WNK3: variants seen among roughly 807,000 people sequenced by gnomAD.
WNK3 encodes serine/threonine-protein kinase WNK3.
In WNK3, 18 loss-of-function variants were observed where a neutral mutation model predicts 116.7. The observed-to-expected ratio is 0.15, with a 90% CI of 0.11 to 0.23. WNK3 has a LOEUF of 0.23. Among genes scored for constraint, WNK3 ranks in the 10% least tolerant of loss-of-function variants. The probability of loss-of-function intolerance (pLI) is 1.00; values close to 1 mark genes in which losing one functional copy is unlikely to be tolerated. For synonymous variants in WNK3, 404 were observed against 469.4 expected (o/e 0.86, Z 1.80); for missense variants, 993 against 1,323.8 (o/e 0.75, Z 3.88).
intron 19 of WNK3, 37 bp downstream of exon 19, chrX:54,238,305 T>C (rs1326659535): frequency 8.5e-7 from 1 of 1,183,233 alleles, no homozygotes; most frequent in East Asian, 3.0e-5. Context: ...TATTTTATAA[T>C]GCCCTTGTAG....
chrX:54,275,673 AT>A lies in WNK3; in HGVS notation c.2038-16336del, dbSNP rs1422387744. Among the ~76,000 whole-genome samples the A allele has an allele frequency of 3.5e-3, 386 of 110,617 alleles. 2 individuals are homozygous for A. The highest frequency in any genetic ancestry group is 0.012 in the African/African-American group (358 of 30,497). On this transcript the variant is annotated intron_variant, in intron 10 of 23. Coordinates refer to ENST00000354646, the Ensembl canonical transcript of WNK3. ...GAAGAAACAAAATGCAAATACTAAC[AT>A]GATAGACTTAAATCCTAGCATATCA...
intron 21 of WNK3, 43 bp downstream of exon 21, chrX:54,232,757 TTTGCTAATC>T: frequency 9.7e-7 from 1 of 1,026,517 alleles, no homozygotes; most frequent in Non-Finnish European, 1.3e-6. Flanking sequence ...TTTTACTAAT[TTTGCTAATC>T]TTGGACTAGA....
intron 22 of WNK3, among the ~76,000 whole-genome samples, chrX:54,205,979 T>G (rs2067549978): frequency 8.9e-6 from 1 of 112,032 alleles, no homozygotes; most frequent in Non-Finnish European, 1.9e-5. Flanking sequence ...ATGCCTATAT[T>G]CAGACAGTTT....
At chrX:54,299,449 G>GTTT (rs11383477) in intron 6 of WNK3, among the ~76,000 whole-genome samples, 17 of 83,668 alleles carry the variant, frequency 2.0e-4, no homozygotes, top group African/African-American at 7.9e-4. Flanking sequence ...GTGTTTTGGT[G>GTTT]TTTTTTTTTT....
chrX:54,202,382 C>T (rs1487697072), intron 22 of WNK3, among the ~76,000 whole-genome samples, 189 bp from the exon 23 acceptor site: 1 of 111,614 alleles, frequency 9.0e-6, no homozygotes, highest in Non-Finnish European at 1.9e-5. Context: ...GCTAACAGTA[C>T]TCCCTTTCAC....
At chrX:54,243,439 A>G (rs1407822258) in intron 17 of WNK3, among the ~76,000 whole-genome samples, 22 of 108,019 alleles carry the variant, frequency 2.0e-4, no homozygotes, top group Non-Finnish European at 4.0e-4. Flanking sequence ...AAAAAAAAAA[A>G]AAAAAGAATT....
intron 3 of WNK3, among the ~76,000 whole-genome samples, chrX:54,310,353 C>T (rs1397750615): frequency 9.2e-6 from 1 of 108,813 alleles, no homozygotes; most frequent in Non-Finnish European, 1.9e-5. Flanking sequence ...CCAGCCTGGG[C>T]AACACGGCGA....
rs2068760762 is a variant in WNK3 at position 54,301,764 on chromosome X, C to T, written c.1178+7G>A. The T allele has an allele frequency of 1.6e-5, 19 of 1,197,230 alleles. No homozygotes were observed. The highest frequency in any genetic ancestry group is 2.1e-5 in the Non-Finnish European group (19 of 883,881). ...CAGTTATGTCATTTTGCTACAATTG[C>T]ACCCACCTTTCAGATTTGTTTTGAC... On this transcript the variant is annotated splice_region_variant and intron_variant, in intron 6 of 23. Transcript: ENST00000354646.
rs370374019 is a variant in WNK3, at chrX:54,326,707, C to T, written c.537+6430G>A. On this transcript the variant is annotated intron_variant, in intron 2 of 23. Transcript: ENST00000354646. ...AAATTAAAATGAAAGAAATTATAGC[C>T]GGGTGCAGTGGCTCACACCTGTAAT... is the stretch of plus-strand genomic sequence containing the variant. Among the ~76,000 whole-genome samples the T allele has an allele frequency of 5.4e-5, 6 of 110,737 alleles. No homozygotes were observed. The East Asian group carries it at 1.4e-3, about 26-fold the overall frequency.
chrX:54,202,574 C>T (rs886253677), intron 22 of WNK3, among the ~76,000 whole-genome samples: 5 of 109,368 alleles, frequency 4.6e-5, no homozygotes, highest in African/African-American at 1.3e-4. Context: ...GCCTGTAATC[C>T]CAGCTACTCG....
At chrX:54,270,169 G>C (rs1051132436) in intron 10 of WNK3, among the ~76,000 whole-genome samples, 1 of 110,714 alleles carries the variant, frequency 9.0e-6, no homozygotes, top group Non-Finnish European at 1.9e-5. Flanking sequence ...GCAACAGCGT[G>C]ATCCCGGCTC....
intron 2 of WNK3, among the ~76,000 whole-genome samples, chrX:54,321,893 A>G (rs1557172363): frequency 9.2e-6 from 1 of 108,738 alleles, no homozygotes; most frequent in African/African-American, 3.4e-5. Context: ...CGGGAGGCAG[A>G]AAATTCGCTT....
chrX:54,205,517 G>A (rs1363099155), intron 22 of WNK3, among the ~76,000 whole-genome samples: 9 of 111,025 alleles, frequency 8.1e-5, no homozygotes, highest in Non-Finnish European at 1.5e-4. Flanking sequence ...AAATGAAACA[G>A]GGACTAGGGC....
intron 10 of WNK3, among the ~76,000 whole-genome samples, chrX:54,290,377 G>C (rs2068625993): frequency 9.0e-6 from 1 of 111,627 alleles, no homozygotes; most frequent in Admixed American, 9.5e-5. Context: ...CCAAAGGCCA[G>C]CTACAGGTAC....
chrX:54,333,829 A>T (rs1178229596), intron 1 of WNK3, 37 bp from the exon 2 acceptor site: 5 of 424,383 alleles, frequency 1.2e-5, no homozygotes, highest in Admixed American at 4.4e-5. Context: ...AAATCACCCT[A>T]CAAAGGAAAT....
intron 8 of WNK3, among the ~76,000 whole-genome samples, chrX:54,293,570 G>T (rs2068664364): frequency 8.9e-6 from 1 of 111,829 alleles, no homozygotes; most frequent in African/African-American, 3.2e-5. Flanking sequence ...TAAAAACAGA[G>T]AATCAGATAA....
At chrX:54,199,471 A>C (rs1186319458) in intron 23 of WNK3, among the ~76,000 whole-genome samples, 1 of 111,628 alleles carries the variant, frequency 9.0e-6, no homozygotes, top group Non-Finnish European at 1.9e-5. Flanking sequence ...TGCTTGAGTC[A>C]GAGTCATTTT....
intron 1 of WNK3, among the ~76,000 whole-genome samples, chrX:54,347,663 GACATATATATATATAC>G (rs1177869135): frequency 6.6e-4 from 62 of 94,229 alleles, no homozygotes; most frequent in Admixed American, 2.9e-3. Context: ...AAAAATAAAA[GACATATATATATATAC>G]ACATATATAT....
chrX:54,331,381 C>CATATAT (rs151229462), intron 2 of WNK3, among the ~76,000 whole-genome samples: 7 of 102,961 alleles, frequency 6.8e-5, no homozygotes, highest in African/African-American at 2.5e-4. Context: ...TGTGTGTGTG[C>CATATAT]ATATATATAT....
Sources: allele counts gnomAD v4.1 joint callset (sites outside exome capture counted in the v4.1 genomes callset), GRCh38; gene constraint gnomAD v4.1.1; transcripts MANE v1.5; gene names NCBI Gene and HGNC (gene_info 2026-07-23, HGNC 2026-07-21).